The following NRP1 variants were observed in gnomAD, a reference collection of about 807,000 sequenced individuals.
The protein encoded by NRP1 is neuropilin 1, also known as neuropilin-1.
A neutral mutation model predicts 106.7 loss-of-function variants in NRP1; 35 were observed. The observed-to-expected ratio is 0.33, with a 90% CI of 0.25 to 0.43. NRP1 has a LOEUF of 0.43. NRP1 is among the 20% of genes least tolerant of loss of function. NRP1 has a pLI of 1.00. For synonymous variants in NRP1, 437 were observed against 417.9 expected, an observed-to-expected ratio of 1.05 and a Z score of -0.56; for missense variants, 1,024 against 1,170.4, an observed-to-expected ratio of 0.87 and a Z score of 1.83.
intron 13 of NRP1, among the ~76,000 whole-genome samples, chr10:33,188,329 G>A (rs571476048): frequency 8.0e-4 from 122 of 152,182 alleles, no homozygotes; most frequent in Admixed American, 4.2e-3. Context: ...GTAGGTAGAG[G>A]GATGCTCTCC....
At chr10:33,321,553 T>G (rs1847513116) in intron 2 of NRP1, among the ~76,000 whole-genome samples, 1 of 152,208 alleles carries the variant, frequency 6.6e-6, no homozygotes, top group Admixed American at 6.5e-5. Flanking sequence ...AAGAGTGTGT[T>G]CCTTTTTTCT....
Position 33,185,731 on chromosome 10 carries a change from A to C in NRP1, c.2335-7T>G. The C allele has an allele frequency of 6.2e-7, 1 of 1,610,098 alleles. No individual in the cohort carries two copies. The highest frequency in any genetic ancestry group is 8.5e-7 in the Non-Finnish European group (1 of 1,176,356). On this transcript the variant is annotated splice_region_variant and splice_polypyrimidine_tract_variant and intron_variant, in intron 14 of 16. Transcript: ENST00000374867. ...TTTCGCCCTCGAAAATCACCTAACAAAATAAGATCATTTTCACAGTATTGA... is the reference window on the plus strand; with the variant it reads ...TTTCGCCCTCGAAAATCACCTAACACAATAAGATCATTTTCACAGTATTGA...
chr10:33,332,332 T>C (rs1446944300), intron 1 of NRP1, among the ~76,000 whole-genome samples: 1 of 152,190 alleles, frequency 6.6e-6, no homozygotes, highest in Non-Finnish European at 1.5e-5. Context: ...TGTTGGACTC[T>C]GTTATGTGAT....
chr10:33,325,920 C>T lies in NRP1; in HGVS notation c.248+4788G>A, dbSNP rs80266559. ...GCACTGTCAAATCAGACACTGAAGTCGGTAAGTAAGATTTTCTTCTTGTCA... is the reference window on the plus strand; with the variant it reads ...GCACTGTCAAATCAGACACTGAAGTTGGTAAGTAAGATTTTCTTCTTGTCA... On this transcript the variant is annotated intron_variant, in intron 2 of 16. Coordinates refer to ENST00000374867, the MANE Select transcript of NRP1 (RefSeq NM_003873.7). Among the ~76,000 whole-genome samples, 8 of 152,252 alleles carry T rather than the reference C, an allele frequency of 5.3e-5. No homozygotes were observed. In the East Asian group the frequency reaches 1.3e-3, roughly 26 times the overall value.
At chr10:33,245,853 C>T (rs529832674) in intron 6 of NRP1, among the ~76,000 whole-genome samples, 2 of 152,284 alleles carry the variant, frequency 1.3e-5, no homozygotes, top group Admixed American at 1.3e-4. Context: ...ACACTGGCAT[C>T]AAACAGTAAG....
chr10:33,232,866 T>C (rs1840267736), intron 6 of NRP1, among the ~76,000 whole-genome samples: 2 of 152,042 alleles, frequency 1.3e-5, no homozygotes, highest in Admixed American at 1.3e-4. Context: ...CAGGCTGGTC[T>C]TGAACTCCTG....
intron 2 of NRP1, among the ~76,000 whole-genome samples, chr10:33,301,966 T>C (rs1845831284): frequency 6.6e-6 from 1 of 152,114 alleles, no homozygotes. Context: ...AGGTCTTTCC[T>C]AGGTTCTATT....
Position 33,205,871 on chromosome 10 carries a change from T to A in NRP1, c.1759+1701A>T, listed in dbSNP as rs748161477. The A allele has an allele frequency of 7.6e-4, 136 of 179,450 alleles. No homozygotes were observed. In the Middle Eastern group the frequency reaches 0.014, roughly 18 times the overall value. The allele number at this position is 179,450 out of a possible 1,614,324, so 11.1% of individuals were successfully genotyped here. ...AAACCATAATTTCCAATTTTGTGGC[T>A]AATTTGTTAGTCTTGCGAAGGCAAT... On this transcript the variant is annotated intron_variant, in intron 10 of 16. Transcript: ENST00000374867.
intron 2 of NRP1, among the ~76,000 whole-genome samples, chr10:33,329,189 AC>A (rs1447309499): frequency 6.6e-6 from 1 of 152,216 alleles, no homozygotes; most frequent in African/African-American, 2.4e-5. Context: ...AGTCACTGGA[AC>A]ACTATTAATG....
intron 7 of NRP1, among the ~76,000 whole-genome samples, chr10:33,223,488 G>T (rs1207274834): frequency 6.6e-6 from 1 of 151,906 alleles, no homozygotes; most frequent in Non-Finnish European, 1.5e-5. Context: ...AGCCAGGTAT[G>T]GTGGTGGTGC....
At chr10:33,199,807 A>G (rs1342529770) in intron 11 of NRP1, among the ~76,000 whole-genome samples, 1 of 152,146 alleles carries the variant, frequency 6.6e-6, no homozygotes, top group Non-Finnish European at 1.5e-5. Flanking sequence ...CTTCCCAATA[A>G]TATCATTCAG....
chr10:33,190,274 C>T (rs912253931), intron 13 of NRP1, among the ~76,000 whole-genome samples: 7 of 152,202 alleles, frequency 4.6e-5, no homozygotes, highest in Non-Finnish European at 7.4e-5. Flanking sequence ...AGCCATTTTG[C>T]TTCACTTTGC....
intron 6 of NRP1, among the ~76,000 whole-genome samples, chr10:33,232,995 T>A (rs1840278885): frequency 6.6e-6 from 1 of 152,128 alleles, no homozygotes; most frequent in Admixed American, 6.6e-5. Flanking sequence ...GGCACTATAA[T>A]GATTAGAAAT....
intron 15 of NRP1, among the ~76,000 whole-genome samples, chr10:33,185,146 A>T (rs1004182040): frequency 1.3e-5 from 2 of 152,232 alleles, no homozygotes; most frequent in Non-Finnish European, 2.9e-5. Flanking sequence ...ATATTTTAAA[A>T]GTCAGAAACA....
At chr10:33,249,414 G>A (rs778792716) in intron 6 of NRP1, 5 of 516,908 alleles carry the variant, frequency 9.7e-6, no homozygotes, top group South Asian at 2.9e-5. Context: ...CCTGAATGGA[G>A]TGAAGGCTAC....
chr10:33,266,717 G>A (rs1842941514), intron 3 of NRP1, among the ~76,000 whole-genome samples: 1 of 152,164 alleles, frequency 6.6e-6, no homozygotes, highest in Non-Finnish European at 1.5e-5. Flanking sequence ...TCTGGTGGGA[G>A]GTGATTGAAT....
intron 6 of NRP1, among the ~76,000 whole-genome samples, chr10:33,228,564 A>G (rs940440028): frequency 6.6e-6 from 1 of 152,182 alleles, no homozygotes; most frequent in African/African-American, 2.4e-5. Flanking sequence ...AGCCTGCCTC[A>G]TGGAGGCATA....
chr10:33,316,631 TAG>T (rs1847057662), intron 2 of NRP1, among the ~76,000 whole-genome samples: 1 of 151,754 alleles, frequency 6.6e-6, no homozygotes, highest in Non-Finnish European at 1.5e-5. Context: ...GGAGGAGAAA[TAG>T]AGGCAAAAAA....
At chr10:33,197,460 G>A (rs535142285) in intron 12 of NRP1, among the ~76,000 whole-genome samples, 190 bp downstream of exon 12, 33 of 152,322 alleles carry the variant, frequency 2.2e-4, no homozygotes, top group African/African-American at 7.0e-4. Flanking sequence ...TGATGGAGAA[G>A]GAAATCTCAC....
Sources: gnomAD v4.1 joint callset for allele counts (sites outside exome capture counted in the v4.1 genomes callset) on GRCh38, gnomAD v4.1.1 for gene constraint, MANE v1.5 for transcripts, NCBI Gene and HGNC (gene_info 2026-07-23, HGNC 2026-07-21) for gene names.